The following CCDC7 variants were observed in gnomAD, a reference collection of about 807,000 sequenced individuals.
CCDC7 encodes the protein coiled-coil domain containing 7, also known as coiled-coil domain-containing protein 7.
Under a neutral mutation model 196.9 loss-of-function variants are expected in CCDC7, and 183 were observed. The observed-to-expected ratio is 0.93, with a 90% CI of 0.82 to 1.05. The LOEUF is 1.05. Ranked by LOEUF, CCDC7 falls within the 50% of genes least tolerant of loss-of-function variation. The pLI is 0.00. For synonymous variants in CCDC7, 525 were observed against 484.6 expected, an observed-to-expected ratio of 1.08 and a Z score of -1.10; for missense variants, 1,540 against 1,482.2, an observed-to-expected ratio of 1.04 and a Z score of -0.64.
In CCDC7 at chr10:32,511,295, T is replaced by C. The variant is rs575628364; in HGVS notation, c.873-6650T>C. ...CGGGGAAATGTACTTTTTGAATATG[T>C]GTACACCAAAACCAAAAAGTTAACT... is the stretch of plus-strand genomic sequence containing the variant. On this transcript the variant is annotated intron_variant, in intron 9 of 41. Coordinates refer to ENST00000639629, the Ensembl canonical transcript of CCDC7. 366 of 1,284,010 alleles carry C rather than the reference T, an allele frequency of 2.9e-4. 12 individuals are homozygous for C. In the South Asian group the frequency reaches 4.6e-3, roughly 16 times the overall value. The allele number at this position is 1,284,010 out of a possible 1,614,324, so 79.5% of individuals were successfully genotyped here.
intron 28 of CCDC7, among the ~76,000 whole-genome samples, chr10:32,769,251 G>A (rs879367712): frequency 2.0e-5 from 3 of 151,978 alleles, no homozygotes; most frequent in Non-Finnish European, 4.4e-5. Flanking sequence ...TATGTTTACA[G>A]AAATTTATCC....
chr10:32,527,213 TC>T (rs1372974072), intron 11 of CCDC7, among the ~76,000 whole-genome samples: 2 of 151,886 alleles, frequency 1.3e-5, no homozygotes, highest in Non-Finnish European at 2.9e-5. Context: ...CATTGTAAAG[TC>T]CCCCCACTGT....
intron 24 of CCDC7, among the ~76,000 whole-genome samples, chr10:32,700,288 C>A (rs571932671): frequency 4.0e-5 from 6 of 149,548 alleles, no homozygotes; most frequent in Non-Finnish European, 2.9e-5. Flanking sequence ...GCCAGTTTTC[C>A]TAGCACCATT....
At chr10:32,845,029 T>TA (rs35348718) in intron 33 of CCDC7, among the ~76,000 whole-genome samples, 5 of 151,450 alleles carry the variant, frequency 3.3e-5, no homozygotes, top group African/African-American at 9.7e-5. Flanking sequence ...GTCACCAAGG[T>TA]AAAAAAAATT....
upstream of CCDC7, among the ~76,000 whole-genome samples, chr10:32,445,185 G>A (rs2030671448): frequency 6.6e-6 from 1 of 152,118 alleles, no homozygotes; most frequent in South Asian, 2.1e-4. Flanking sequence ...CACCCAGAAA[G>A]AGCAGAAGAC....
At chr10:32,719,340 G>A (rs1401891970) in intron 25 of CCDC7, among the ~76,000 whole-genome samples, 1 of 152,124 alleles carries the variant, frequency 6.6e-6, no homozygotes, top group African/African-American at 2.4e-5. Flanking sequence ...AACTGAAACT[G>A]GACCCCTTCC....
intron 25 of CCDC7, 127 bp downstream of exon 26, chr10:32,711,857 C>T: frequency 2.2e-6 from 1 of 464,874 alleles, no homozygotes; most frequent in Non-Finnish European, 3.7e-6. Context: ...TGTAAATACT[C>T]TAACATAACT....
intron 18 of CCDC7, among the ~76,000 whole-genome samples, chr10:32,586,297 G>A (rs2059266838): frequency 6.6e-6 from 1 of 152,084 alleles, no homozygotes. Context: ...TGGATAGATT[G>A]CAAAATTGTT....
chr10:32,543,098 TATACAACTTA>T (rs2051780340), intron 11 of CCDC7, among the ~76,000 whole-genome samples, 192 bp from the exon 13 acceptor site: 1 of 152,210 alleles, frequency 6.6e-6, no homozygotes, highest in Admixed American at 6.5e-5. Context: ...TATTAGGTTA[TATACAACTTA>T]CACCACGTAA....
At chr10:32,694,822 A>G (rs2077503046) in intron 23 of CCDC7, 57 bp from the exon 25 acceptor site, 2 of 997,030 alleles carry the variant, frequency 2.0e-6, no homozygotes, top group African/African-American at 3.3e-5. Context: ...TGAAATCTAG[A>G]GATTTCACAG....
chr10:32,694,574 A>T (rs2077466953), intron 23 of CCDC7, among the ~76,000 whole-genome samples: 1 of 152,192 alleles, frequency 6.6e-6, no homozygotes, highest in African/African-American at 2.4e-5. Flanking sequence ...ATAATAAATA[A>T]CATTGTACCT....
chr10:32,514,925 A>G (rs1388518808), intron 9 of CCDC7, among the ~76,000 whole-genome samples: 2 of 152,194 alleles, frequency 1.3e-5, no homozygotes, highest in Non-Finnish European at 2.9e-5. Context: ...CCTAGGCCCA[A>G]GGCATCTTCC....
chr10:32,736,047 G>A (rs576055803), intron 28 of CCDC7, among the ~76,000 whole-genome samples: 1 of 152,078 alleles, frequency 6.6e-6, no homozygotes, highest in African/African-American at 2.4e-5. Flanking sequence ...ATAGCATACT[G>A]TCTTGATTTC....
intron 21 of CCDC7, among the ~76,000 whole-genome samples, chr10:32,667,359 A>C (rs1172358934): frequency 6.6e-6 from 1 of 152,068 alleles, no homozygotes; most frequent in East Asian, 1.9e-4. Context: ...GCTGTGCAGA[A>C]ACTCTTCAGT....
chr10:32,842,970 T>C (rs1349366992), intron 33 of CCDC7, among the ~76,000 whole-genome samples: 1 of 151,800 alleles, frequency 6.6e-6, no homozygotes, highest in African/African-American at 2.4e-5. Context: ...GACAAAAGAC[T>C]ATGCATTGGG....
At chr10:32,704,117 T>C (rs112802525) in intron 24 of CCDC7, among the ~76,000 whole-genome samples, 4 of 152,162 alleles carry the variant, frequency 2.6e-5, no homozygotes, top group African/African-American at 7.2e-5. Flanking sequence ...TCCATTTTTC[T>C]GCTTTGTTTT....
intron 21 of CCDC7, among the ~76,000 whole-genome samples, chr10:32,667,052 T>C (rs1000075002): frequency 3.9e-5 from 6 of 152,210 alleles, no homozygotes; most frequent in Admixed American, 3.9e-4. Flanking sequence ...TTCCTGACTT[T>C]TTAATGATCA....
intron 25 of CCDC7, among the ~76,000 whole-genome samples, chr10:32,714,012 C>T (rs58224121): frequency 0.17 from 25,108 of 152,112 alleles, 2,842 homozygotes; most frequent in African/African-American, 0.33. Context: ...GGACTATCAG[C>T]GTGGCTGGCC....
chr10:32,721,241 G>C (rs2082374372), intron 25 of CCDC7, among the ~76,000 whole-genome samples: 1 of 152,134 alleles, frequency 6.6e-6, no homozygotes, highest in African/African-American at 2.4e-5. Flanking sequence ...ATCCACCAAT[G>C]TCCAATAACA....
Sources: allele counts gnomAD v4.1 joint callset (sites outside exome capture counted in the v4.1 genomes callset), GRCh38; gene constraint gnomAD v4.1.1; transcripts MANE v1.5; gene names NCBI Gene and HGNC (gene_info 2026-07-23, HGNC 2026-07-21).